Variants in MALRD1 observed in about 807,000 individuals in gnomAD.
MALRD1 encodes MAM and LDL-receptor class A domain-containing protein 1.
In MALRD1, 247 loss-of-function variants were observed where a neutral mutation model predicts 242.1. That is an observed-to-expected ratio of 1.02 (90% CI 0.92 to 1.13). The LOEUF (loss-of-function observed/expected upper bound fraction) is 1.13. Ranked by LOEUF, MALRD1 falls within the 50% of genes most tolerant of loss-of-function variation. The pLI, the probability that MALRD1 is intolerant of heterozygous loss-of-function variation, is 0.00. For synonymous variants in MALRD1, 995 were observed against 866.6 expected (o/e 1.15, Z -2.60); for missense variants, 2,989 against 2,533.1 (o/e 1.18, Z -3.86).
chr10:19,716,510 G>A (rs531851184), intron 38 of MALRD1, among the ~76,000 whole-genome samples: 4 of 152,268 alleles, frequency 2.6e-5, no homozygotes, highest in African/African-American at 9.6e-5. Context: ...AAGCCACTAT[G>A]CTTCCTGTAT....
chr10:19,490,508 G>GGGC (rs1554783719), intron 29 of MALRD1, among the ~76,000 whole-genome samples: 17 of 99,448 alleles, frequency 1.7e-4, no homozygotes, highest in African/African-American at 5.5e-4. Flanking sequence ...AAGTGGGGCG[G>GGGC]GGGGGGGGCA....
chr10:19,253,541 A>C (rs2131794865), intron 18 of MALRD1, among the ~76,000 whole-genome samples: 1 of 152,094 alleles, frequency 6.6e-6, no homozygotes, highest in South Asian at 2.1e-4. Flanking sequence ...CACATACTCA[A>C]GTCCTGCACT....
chr10:19,068,716 G>C (rs965455094), intron 2 of MALRD1, among the ~76,000 whole-genome samples: 5 of 152,076 alleles, frequency 3.3e-5, no homozygotes, highest in Non-Finnish European at 7.4e-5. Context: ...CATATTTATA[G>C]AAAAATGGTC....
At chr10:19,347,687 C>G in intron 24 of MALRD1, 84 bp from the exon 25 acceptor site, 3 of 1,423,540 alleles carry the variant, frequency 2.1e-6, no homozygotes, top group Middle Eastern at 1.9e-4. Context: ...CATGATACAG[C>G]AAGATCACTG....
chr10:19,194,121 T>C (rs919003587), intron 14 of MALRD1, among the ~76,000 whole-genome samples: 2 of 152,082 alleles, frequency 1.3e-5, no homozygotes, highest in Admixed American at 6.5e-5. Context: ...AATATAAGCA[T>C]AGTAGTGGGT....
At chr10:19,451,626 A>G (rs1835333656) in intron 29 of MALRD1, among the ~76,000 whole-genome samples, 1 of 152,134 alleles carries the variant, frequency 6.6e-6, no homozygotes, top group African/African-American at 2.4e-5. Context: ...CTAAACCTGA[A>G]TGCTGTTTAA....
At chr10:19,638,156 T>A (rs921243341) in intron 36 of MALRD1, among the ~76,000 whole-genome samples, 2 of 134,102 alleles carry the variant, frequency 1.5e-5, no homozygotes, top group Non-Finnish European at 3.3e-5. Flanking sequence ...GGCAAAACTA[T>A]CCATGCTAAT....
At chr10:19,722,966 G>C (rs578025338) in intron 38 of MALRD1, among the ~76,000 whole-genome samples, 1 of 152,294 alleles carries the variant, frequency 6.6e-6, no homozygotes, top group East Asian at 1.9e-4. Flanking sequence ...TTAGTACGTA[G>C]TATGTGTCCT....
At chr10:19,400,423 G>A (rs1278653611) in intron 28 of MALRD1, among the ~76,000 whole-genome samples, 4 of 152,138 alleles carry the variant, frequency 2.6e-5, no homozygotes, top group Non-Finnish European at 4.4e-5. Context: ...TGATGACTGA[G>A]TATGTGAAAA....
At chr10:19,564,938 A>G (rs1836185038) in intron 32 of MALRD1, among the ~76,000 whole-genome samples, 1 of 152,174 alleles carries the variant, frequency 6.6e-6, no homozygotes, top group South Asian at 2.1e-4. Context: ...CAATGTTATG[A>G]GTTCCTAAGT....
rs370502976 is a variant in MALRD1 at position 19,203,649 on chromosome 10, A to G, written c.1952-79A>G. The G allele has an allele frequency of 1.6e-5, 22 of 1,365,326 alleles. No homozygotes were observed. The East Asian group carries it at 4.0e-4, about 25-fold the overall frequency. 84.6% of individuals were successfully genotyped at this position (1,365,326 alleles called of 1,614,324 possible). On this transcript the variant is annotated intron_variant, in intron 14 of 39. Transcript: ENST00000454679. ...TGCATACAGAAGCATAATAAGGTGA[A>G]TTCTATTTGAGCTCTGCCTTTTCAA...
intron 21 of MALRD1, among the ~76,000 whole-genome samples, chr10:19,315,025 A>T (rs1229548157): frequency 7.0e-6 from 1 of 142,936 alleles, no homozygotes; most frequent in Non-Finnish European, 1.5e-5. Flanking sequence ...ATAAATATAT[A>T]AATATAATTT....
At chr10:19,328,480 A>G (rs1843229761) in intron 23 of MALRD1, among the ~76,000 whole-genome samples, 2 of 152,122 alleles carry the variant, frequency 1.3e-5, no homozygotes, top group Non-Finnish European at 1.5e-5. Flanking sequence ...TCCAGATAGA[A>G]GGGATAAAAT....
At chr10:19,130,021 CT>C (rs931876531) in intron 8 of MALRD1, among the ~76,000 whole-genome samples, 21 of 151,612 alleles carry the variant, frequency 1.4e-4, no homozygotes, top group African/African-American at 5.1e-4. Flanking sequence ...TATATAAATT[CT>C]TTTTTAATTG....
intron 29 of MALRD1, among the ~76,000 whole-genome samples, chr10:19,476,053 T>C (rs1836714725): frequency 6.6e-6 from 1 of 152,226 alleles, no homozygotes; most frequent in Non-Finnish European, 1.5e-5. Flanking sequence ...TTAATATTCT[T>C]TTTAGTGCAC....
At chr10:19,259,054 A>G (rs1839638806) in intron 19 of MALRD1, among the ~76,000 whole-genome samples, 1 of 152,142 alleles carries the variant, frequency 6.6e-6, no homozygotes, top group Non-Finnish European at 1.5e-5. Context: ...TAAATGATCT[A>G]TCTGCTCCTA....
chr10:19,682,337 A>T (rs1589394807), intron 36 of MALRD1, among the ~76,000 whole-genome samples: 1 of 152,214 alleles, frequency 6.6e-6, no homozygotes, highest in Non-Finnish European at 1.5e-5. Context: ...GTTACCAGGC[A>T]CACTCAGAAA....
intron 38 of MALRD1, among the ~76,000 whole-genome samples, chr10:19,718,914 C>T (rs1161131344): frequency 6.6e-6 from 1 of 151,472 alleles, no homozygotes; most frequent in African/African-American, 2.4e-5. Context: ...TGCCTTTAAT[C>T]CCAGTGCTTT....
At chr10:19,455,589 C>A (rs1478136094) in intron 29 of MALRD1, among the ~76,000 whole-genome samples, 1 of 152,112 alleles carries the variant, frequency 6.6e-6, no homozygotes, top group Non-Finnish European at 1.5e-5. Flanking sequence ...ATTATTAACT[C>A]TATACAAGGT....
Sources: allele counts gnomAD v4.1 joint callset (sites outside exome capture counted in the v4.1 genomes callset), GRCh38; gene constraint gnomAD v4.1.1; transcripts MANE v1.5; gene names NCBI Gene and HGNC (gene_info 2026-07-23, HGNC 2026-07-21).